GREB1: variants seen among roughly 807,000 people sequenced by gnomAD.
GREB1 encodes the protein protein GREB1.
GREB1 carries 106 observed loss-of-function variants against 200.7 expected under a neutral mutation model. The observed-to-expected ratio is 0.53, with a 90% CI of 0.45 to 0.62. The LOEUF (loss-of-function observed/expected upper bound fraction) is 0.62, where lower values mean the gene tolerates loss of function less well. GREB1 is among the 20% of genes least tolerant of loss of function. The pLI, the probability that GREB1 is intolerant of heterozygous loss-of-function variation, is 0.00. For missense variants in GREB1, 2,243 were observed against 2,556.8 expected, an observed-to-expected ratio of 0.88 and a Z score of 2.65; for synonymous variants, 1,132 against 1,092.4, an observed-to-expected ratio of 1.04 and a Z score of -0.72.
chr2:11,603,136 AC>A (rs2148254510), intron 17 of GREB1, among the ~76,000 whole-genome samples: 1 of 152,222 alleles, frequency 6.6e-6, no homozygotes, highest in East Asian at 1.9e-4. Context: ...AGCCCCTTTA[AC>A]CCTGTCGCAA....
chr2:11,586,681 A>G (rs904118309), intron 9 of GREB1, among the ~76,000 whole-genome samples: 2 of 152,194 alleles, frequency 1.3e-5, no homozygotes, highest in Admixed American at 6.5e-5. Flanking sequence ...GCTTGTAGAT[A>G]GAGTAGAGAG....
intron 1 of GREB1, among the ~76,000 whole-genome samples, chr2:11,546,739 C>T (rs984798937): frequency 6.6e-6 from 1 of 152,138 alleles, no homozygotes; most frequent in African/African-American, 2.4e-5. Flanking sequence ...GAGCGCATCT[C>T]GCTTTTTGTG....
chr2:11,489,328 G>A (rs565141154), intron 1 of GREB1, among the ~76,000 whole-genome samples: 17 of 152,194 alleles, frequency 1.1e-4, no homozygotes, highest in Admixed American at 4.6e-4. Flanking sequence ...GCGTGGTGGC[G>A]CGTGCCTGTA....
At chr2:11,581,997 C>T (rs575487830) in intron 7 of GREB1, among the ~76,000 whole-genome samples, 45 of 152,338 alleles carry the variant, frequency 3.0e-4, no homozygotes, top group Admixed American at 9.8e-4. Context: ...AGCTGAGTCC[C>T]GTCCTCCGCA....
intron 9 of GREB1, among the ~76,000 whole-genome samples, chr2:11,586,765 A>C (rs60164694): frequency 0.06 from 9,109 of 152,270 alleles, 874 homozygotes; most frequent in African/African-American, 0.21. Flanking sequence ...TTCCTAAAAC[A>C]CAAAAACTGG....
chr2:11,524,165 C>T (rs1380386282), intron 1 of GREB1, among the ~76,000 whole-genome samples: 1 of 152,052 alleles, frequency 6.6e-6, no homozygotes, highest in Non-Finnish European at 1.5e-5. Flanking sequence ...CTTTTTTCTC[C>T]CTCCTCTCAG....
chr2:11,635,042 T>C (rs1333590861), intron 29 of GREB1, among the ~76,000 whole-genome samples: 1 of 152,240 alleles, frequency 6.6e-6, no homozygotes, highest in Non-Finnish European at 1.5e-5. Context: ...AAGCATGAGG[T>C]ACACACTGCC....
In GREB1 at chr2:11,548,962, C is replaced by CT. The variant is rs917049459; in HGVS notation, c.-161-7491dup. ...TCATTATTTCCAATGTCCACTATTG[C>CT]TGTTGAGAAATCCAAAGTCATCCTG... On this transcript the variant is annotated intron_variant, in intron 1 of 32. Coordinates refer to ENST00000381486, the MANE Select transcript of GREB1 (RefSeq NM_014668.4). The surrounding 1 kb of genome is among the most constrained non-coding windows in gnomAD (Gnocchi z 5.1). Among the ~76,000 whole-genome samples the CT allele has an allele frequency of 8.5e-5, 13 of 152,226 alleles. No homozygotes were observed. The highest frequency in any genetic ancestry group is 2.6e-4 in the African/African-American group (11 of 41,530).
At position 11,616,731 on chromosome 2, in the gene GREB1, CCACA is replaced by C; in HGVS notation, c.3412+13_3412+16del. ...CCTCCAAGGCTTCCGGTGAGTCTTCCCACACGGGAAGGACCAGACCAGCAGACTG... is the reference window on the plus strand; with the variant it reads ...CCTCCAAGGCTTCCGGTGAGTCTTCCCGGGAAGGACCAGACCAGCAGACTG... On this transcript the variant is annotated intron_variant, in intron 21 of 32. Coordinates refer to ENST00000381486, the MANE Select transcript of GREB1 (RefSeq NM_014668.4). 1 of 1,563,024 alleles carries C rather than the reference CCACA, an allele frequency of 6.4e-7. No individual in the cohort carries two copies.
At chr2:11,483,223 GGTGTGCGTGC>G (rs1201023761) in intron 1 of GREB1, among the ~76,000 whole-genome samples, 4 of 151,766 alleles carry the variant, frequency 2.6e-5, no homozygotes. Flanking sequence ...GTGTGTGTGG[GGTGTGCGTGC>G]GTGTGCGTGT....
chr2:11,572,204 C>T (rs188756113), intron 4 of GREB1, among the ~76,000 whole-genome samples: 1 of 152,370 alleles, frequency 6.6e-6, no homozygotes. Context: ...AGCATCCACT[C>T]TCCTGGGAAG....
intron 8 of GREB1, 121 bp downstream of exon 8, chr2:11,585,395 TGAG>T (rs1654645427): frequency 1.6e-6 from 1 of 643,020 alleles, no homozygotes. Context: ...TGTGTACTGA[TGAG>T]GGAGTTCTAA....
In GREB1 at chr2:11,602,422, A is replaced by G. The variant is rs748476762; in HGVS notation, c.2546A>G (p.His849Arg). The change falls in exon 17 of 33, where the codon CAT (histidine) becomes CGT (arginine). Residue 849 changes from histidine to arginine, a missense_variant. Physicochemically the swap from His to Arg is conservative, Grantham distance 29. Transcript: ENST00000381486. ...TTGTTTTAGGGAGTGGACTTATATC[A>G]TGAAAATAAGAAGTACTTCGGGCTG... ...ASCSNGVDLYHENKKYFGLSE... is the reference protein window; with the variant it reads ...ASCSNGVDLYRENKKYFGLSE... The G allele has an allele frequency of 6.8e-6, 11 of 1,613,598 alleles. No homozygotes were observed. Among genetic ancestry groups the G allele is most frequent in the South Asian group, 1.1e-5 (1 of 91,076 alleles).
Position 11,553,307 on chromosome 2 carries a change from T to A in GREB1, c.-161-3147T>A, listed in dbSNP as rs550233357. Among the ~76,000 whole-genome samples, 5 of 152,260 alleles carry A rather than the reference T, an allele frequency of 3.3e-5. No individual in the cohort carries two copies. The South Asian group carries it at 1.0e-3, about 32-fold the overall frequency. ...TGAGCCCAGGAGTTCGAGACCAGCC[T>A]GGGCAACATGGTGAAACCCCGTCTC... is the stretch of plus-strand genomic sequence containing the variant. On this transcript the variant is annotated intron_variant, in intron 1 of 32. Coordinates refer to ENST00000381486, the MANE Select transcript of GREB1 (RefSeq NM_014668.4).
chr2:11,532,163 G>T (rs186016857), upstream of GREB1, among the ~76,000 whole-genome samples: 1 of 152,074 alleles, frequency 6.6e-6, no homozygotes, highest in Non-Finnish European at 1.5e-5. Flanking sequence ...TCATATATTC[G>T]AGTCATTAAT....
intron 12 of GREB1, 26 bp downstream of exon 12, chr2:11,595,405 C>T (rs1254854961): frequency 5.6e-6 from 9 of 1,607,964 alleles, no homozygotes; most frequent in Non-Finnish European, 7.7e-6. Flanking sequence ...GACAGGTGCA[C>T]ATGCGTATGT....
chr2:11,595,148 T>G, intron 11 of GREB1, 103 bp from the exon 12 acceptor site: 1 of 1,040,372 alleles, frequency 9.6e-7, no homozygotes, highest in Non-Finnish European at 1.4e-6. Context: ...AGATTCCAGA[T>G]GGGAAATGTC....
At chr2:11,512,433 C>T (rs1673377276) in intron 1 of GREB1, among the ~76,000 whole-genome samples, 1 of 152,176 alleles carries the variant, frequency 6.6e-6, no homozygotes, top group Non-Finnish European at 1.5e-5. Flanking sequence ...ATGTGCTATG[C>T]CCTGTGTATT....
intron 1 of GREB1, among the ~76,000 whole-genome samples, chr2:11,512,348 A>T (rs568154132): frequency 1.1e-4 from 16 of 152,310 alleles, no homozygotes; most frequent in Admixed American, 3.9e-4. Flanking sequence ...GAAGTAGAAA[A>T]TTTTTTTAAA....
Sources: gnomAD v4.1 joint callset for allele counts (sites outside exome capture counted in the v4.1 genomes callset) on GRCh38, gnomAD v4.1.1 for gene constraint, Gnocchi (gnomAD v3.1) non-coding constraint, MANE v1.5 for transcripts, NCBI Gene and HGNC (gene_info 2026-07-23, HGNC 2026-07-21) for gene names.